The following CKAP5 variants were observed in gnomAD, a reference collection of about 807,000 sequenced individuals.
The protein encoded by CKAP5 is cytoskeleton associated protein 5.
A neutral mutation model predicts 232.8 loss-of-function variants in CKAP5; 27 were observed. The observed-to-expected ratio is 0.12, with a 90% CI of 0.09 to 0.16. The LOEUF (loss-of-function observed/expected upper bound fraction) is 0.16, where lower values mean the gene tolerates loss of function less well. Ranked by LOEUF, CKAP5 falls within the 10% of genes least tolerant of loss-of-function variation. The pLI, the probability that CKAP5 is intolerant of heterozygous loss-of-function variation, is 1.00. For missense variants in CKAP5, 1,838 were observed against 2,424.7 expected, an observed-to-expected ratio of 0.76 and a Z score of 5.08; for synonymous variants, 785 against 841.1, an observed-to-expected ratio of 0.93 and a Z score of 1.16.
rs745647544 is a variant in CKAP5, at chr11:46,744,528, T to G, written c.5754A>C (p.Thr1918=). The G allele has an allele frequency of 6.2e-7, 1 of 1,614,166 alleles. No homozygotes were observed. The highest frequency in any genetic ancestry group is 1.7e-5 in the Admixed American group (1 of 60,010). ...CATTTGTGTTACCTATGGAGGACAC[T>G]GTGCTTGTGGGCGTGGGCACACATG... ...EVTCVPTPTS[T]VSSIGNTNGE... Residue 1918 remains threonine (T), a synonymous_variant, in exon 43 of 44, where the codon ACA becomes ACC. Transcript: ENST00000529230.
chr11:46,783,397 T>C, intron 17 of CKAP5, 29 bp from the exon 18 acceptor site: 1 of 1,322,578 alleles, frequency 7.6e-7, no homozygotes, highest in Non-Finnish European at 1.1e-6. Flanking sequence ...CAGATCTGTG[T>C]TTTATCTCGT....
In CKAP5 at chr11:46,770,811, C is replaced by A. The variant is rs2065241063; in HGVS notation, c.3163G>T (p.Ala1055Ser). Reference sequence around the variant, plus strand: ...ACCTTTAGTTTCCCAGTAGCCTTGGCCATTTTTTCATATCCTAAATGCATC... The same window carrying A: ...ACCTTTAGTTTCCCAGTAGCCTTGGACATTTTTTCATATCCTAAATGCATC... ...FMMHLGYEKMAKATGKLKPTS... is the reference protein window; with the variant it reads ...FMMHLGYEKMSKATGKLKPTS... Residue 1055 changes from alanine (A) to serine (S), a missense_variant, in exon 25 of 44, where the codon GCC becomes TCC. By Grantham distance (99) the Ala-to-Ser change is moderately conservative. Transcript: ENST00000529230. The A allele has an allele frequency of 1.2e-6, 2 of 1,613,914 alleles. No individual in the cohort carries two copies. The highest frequency in any genetic ancestry group is 1.3e-5 in the African/African-American group (1 of 75,044).
chr11:46,750,340 C>T lies in CKAP5; in HGVS notation c.5638G>A (p.Val1880Ile). The T allele has an allele frequency of 6.2e-7, 1 of 1,614,192 alleles. No homozygotes were observed. The highest frequency in any genetic ancestry group is 8.5e-7 in the Non-Finnish European group (1 of 1,180,022). The change falls in exon 42 of 44, where the codon GTC becomes ATC. Residue 1880 changes from valine to isoleucine, a missense_variant. Transcript: ENST00000529230. Reference protein sequence around the residue: ...KNSSQFFQSYVERGLRVIEME... With the variant: ...KNSSQFFQSYIERGLRVIEME... ...TCAATCACCCGAAGGCCTCTTTCGA[C>T]ATAGCTCTGGAAGAACTGTGAGGAA...
At chr11:46,807,882 C>A in intron 8 of CKAP5, 149 bp downstream of exon 8, 1 of 532,592 alleles carries the variant, frequency 1.9e-6, no homozygotes, top group East Asian at 3.0e-5. Context: ...GAATTTAAAA[C>A]AACCCTTTAA....
At position 46,776,751 on chromosome 11, in the gene CKAP5, T is replaced by C. The variant is rs573431047; in HGVS notation, c.2863-368A>G. Among the ~76,000 whole-genome samples the C allele has an allele frequency of 3.9e-5, 6 of 152,166 alleles. No homozygotes were observed. In the East Asian group the frequency reaches 9.6e-4, roughly 24 times the overall value. On this transcript the variant is annotated intron_variant, in intron 23 of 43. Transcript: ENST00000529230. ...GAAATTCTAAATGTTAAAGACATCATAATGGTTAAGACTGAAACTGCTAAT... is the reference window on the plus strand; with the variant it reads ...GAAATTCTAAATGTTAAAGACATCACAATGGTTAAGACTGAAACTGCTAAT...
chr11:46,816,601 T>C lies in CKAP5; in HGVS notation c.252-197A>G, dbSNP rs185475008. On this transcript the variant is annotated intron_variant, in intron 3 of 43. Transcript: ENST00000529230. ...ATTTTAAGACATGTCATAGCAGGCATAGTAACAGTTTATAAATGTAGAAAA... is the reference window on the plus strand; with the variant it reads ...ATTTTAAGACATGTCATAGCAGGCACAGTAACAGTTTATAAATGTAGAAAA... Among the ~76,000 whole-genome samples, 20 of 152,242 alleles carry C rather than the reference T, an allele frequency of 1.3e-4. No homozygotes were observed. The East Asian group carries it at 1.7e-3, about 13-fold the overall frequency.
intron 1 of CKAP5, among the ~76,000 whole-genome samples, chr11:46,830,553 A>G (rs1018053042): frequency 1.3e-5 from 2 of 151,776 alleles, no homozygotes; most frequent in African/African-American, 4.8e-5. Flanking sequence ...ATTCTTTCCT[A>G]GGGGCTCTGG....
rs1227367496 is a variant in CKAP5 at position 46,761,264 on chromosome 11, A to G, written c.4222-480T>C. Among the ~76,000 whole-genome samples, 22 of 151,540 alleles carry G rather than the reference A, an allele frequency of 1.5e-4. 1 individual carries two copies. Among genetic ancestry groups the G allele is most frequent in the Non-Finnish European group, 2.8e-4 (19 of 67,844 alleles). On this transcript the variant is annotated intron_variant, in intron 32 of 43. Transcript: ENST00000529230. ...ACCCTGTCTCAAAAAAAAAAAAAAAAAGAAACGATAAAAAAAAGAAAGCCA... is the reference window on the plus strand; with the variant it reads ...ACCCTGTCTCAAAAAAAAAAAAAAAGAGAAACGATAAAAAAAAGAAAGCCA...
chr11:46,775,268 C>A (rs2065281092), intron 24 of CKAP5, among the ~76,000 whole-genome samples: 1 of 152,140 alleles, frequency 6.6e-6, no homozygotes, highest in South Asian at 2.1e-4. Context: ...AAATGCAAAT[C>A]AAAACACAAT....
At chr11:46,762,468 G>T in intron 31 of CKAP5, 159 bp downstream of exon 31, 1 of 978,352 alleles carries the variant, frequency 1.0e-6, no homozygotes, top group Non-Finnish European at 1.6e-6. Context: ...TGATACCATG[G>T]CTCCACCAGT....
chr11:46,743,848 A>G lies in CKAP5; in HGVS notation c.*175T>C. 1.3e-6 allele frequency: 1 copy of G among 747,940 alleles called. No homozygotes were observed. The highest frequency in any genetic ancestry group is 2.1e-6 in the Non-Finnish European group (1 of 466,554). The allele number at this position is 747,940 out of a possible 1,614,324, so 46.3% of individuals were successfully genotyped here. On this transcript the variant is annotated 3_prime_UTR_variant, in exon 44 of 44. Transcript: ENST00000529230. ...TCTTCTAGAGCAGCAGGACGCTGAC[A>G]GAGAGAAGCAGAGTATGTACAAATA...
At chr11:46,762,796 C>T (rs2065166868) in intron 30 of CKAP5, 34 bp from the exon 31 acceptor site, 2 of 1,605,792 alleles carry the variant, frequency 1.2e-6, no homozygotes, top group Non-Finnish European at 1.7e-6. Flanking sequence ...TTAAGTGAGG[C>T]ATTTCCTAAG....
chr11:46,780,542 A>AATT, intron 18 of CKAP5, 57 bp from the exon 19 acceptor site: 1 of 1,473,654 alleles, frequency 6.8e-7, no homozygotes, highest in East Asian at 2.4e-5. Context: ...AATACTCAAT[A>AATT]ACGTTTTATA....
chr11:46,767,299 C>T (rs1177901041), intron 27 of CKAP5, among the ~76,000 whole-genome samples: 2 of 152,296 alleles, frequency 1.3e-5, no homozygotes, highest in African/African-American at 2.4e-5. Flanking sequence ...GGATTACAGG[C>T]GTGAGCCACT....
rs1309587787 is a variant in CKAP5 at position 46,760,743 on chromosome 11, C to T, written c.4263G>A (p.Lys1421=). Residue 1421 remains lysine, a synonymous_variant, in exon 33 of 44, where the codon AAG becomes AAA. Transcript: ENST00000529230. ...CAGCAGAGGGTCTCTTTGCTGACCG[C>T]TTAATCCTCTCCTCGAGCATGCTCA... ...KDMSMLEERI[K]RSAKRPSAAP... The T allele has an allele frequency of 3.1e-6, 5 of 1,614,214 alleles. No homozygotes were observed. In the African/African-American group the frequency reaches 6.7e-5, roughly 22 times the overall value.
At chr11:46,762,953 C>T (rs2065168237) in intron 30 of CKAP5, 23 bp downstream of exon 30, 6 of 1,598,714 alleles carry the variant, frequency 3.8e-6, no homozygotes, top group Non-Finnish European at 5.1e-6. Flanking sequence ...AAGCAGTCTC[C>T]CAGAGAGAGA....
At chr11:46,750,499 C>G (rs764746384) in intron 41 of CKAP5, 29 bp downstream of exon 41, 2 of 1,604,822 alleles carry the variant, frequency 1.2e-6, no homozygotes, top group East Asian at 2.2e-5. Flanking sequence ...AAAGCAGACC[C>G]CTATTCTGCT....
At position 46,750,151 on chromosome 11, in the gene CKAP5, G is replaced by A; in HGVS notation, c.5704+123C>T. On this transcript the variant is annotated intron_variant, in intron 42 of 43. Transcript: ENST00000529230. ...TGACCACTGGATATAGCAATGGGAA[G>A]GCCATTTGGTGACCATTAAGTATTG... The A allele has an allele frequency of 3.4e-6, 3 of 888,680 alleles. No homozygotes were observed. The East Asian group carries it at 7.4e-5, about 22-fold the overall frequency. The allele number at this position is 888,680 out of a possible 1,614,324, so 55.0% of individuals were successfully genotyped here. A position where few individuals can be genotyped will look rare whatever the true frequency, so the allele number is the denominator to read the frequency against.
At position 46,817,910 on chromosome 11, in the gene CKAP5, T is replaced by C. The variant is rs182683990; in HGVS notation, c.251+400A>G. Among the ~76,000 whole-genome samples, 17 of 152,276 alleles carry C rather than the reference T, an allele frequency of 1.1e-4. No individual in the cohort carries two copies. The East Asian group carries it at 3.3e-3, about 29-fold the overall frequency. On this transcript the variant is annotated intron_variant, in intron 3 of 43. Transcript: ENST00000529230. ...AACATCACCTATCTAACAACCCTTGTAAAAAATTTAGTTTTCTATAATGCC... is the reference window on the plus strand; with the variant it reads ...AACATCACCTATCTAACAACCCTTGCAAAAAATTTAGTTTTCTATAATGCC...
Sources: gnomAD v4.1 joint callset for allele counts (sites outside exome capture counted in the v4.1 genomes callset) on GRCh38, gnomAD v4.1.1 for gene constraint, MANE v1.5 for transcripts, NCBI Gene and HGNC (gene_info 2026-07-23, HGNC 2026-07-21) for gene names.